Variants in FREM3 observed in about 807,000 individuals in gnomAD.
The protein encoded by FREM3 is FRAS1-related extracellular matrix protein 3.
Under a neutral mutation model 129.1 loss-of-function variants are expected in FREM3, and 105 were observed. The ratio of observed to expected loss-of-function variants is 0.81; its 90% CI spans 0.69 to 0.96. The LOEUF (loss-of-function observed/expected upper bound fraction) is 0.96, where lower values mean the gene tolerates loss of function less well. Ranked by LOEUF, FREM3 falls within the 40% of genes least tolerant of loss-of-function variation. The pLI is 0.00. For synonymous variants in FREM3, 1,014 were observed against 1,044.9 expected (o/e 0.97, Z 0.57); for missense variants, 2,593 against 2,666.3 (o/e 0.97, Z 0.61).
At chr4:143,591,837 G>A (rs1479957031) in intron 6 of FREM3, among the ~76,000 whole-genome samples, 5 of 152,216 alleles carry the variant, frequency 3.3e-5, no homozygotes, top group East Asian at 3.9e-4. Context: ...GTTGACAGTC[G>A]GGTGTTAAAG....
rs773673129 is a variant in FREM3, at chr4:143,697,722, G to A, written c.2954C>T (p.Ser985Phe). The A allele has an allele frequency of 3.3e-6, 5 of 1,537,672 alleles. No individual in the cohort carries two copies. The highest frequency in any genetic ancestry group is 4.4e-6 in the Non-Finnish European group (5 of 1,147,006). ...KRKDVGDLMLSFIVKDSPKLG... is the reference protein window; with the variant it reads ...KRKDVGDLMLFFIVKDSPKLG... ...TTTGGGGCTGTCCTTTACAATGAAA[G>A]ACAGCATCAAGTCACCTACATCCTT... The change falls in exon 1 of 8, where the codon TCT (serine) becomes TTT (phenylalanine). Residue 985 changes from serine (S) to phenylalanine (F), a missense_variant. This residue lies in a region of FREM3 where 2,276 missense variants were observed against 2,267.2 expected (regional missense o/e 1.00). Coordinates refer to ENST00000329798, the MANE Select transcript of FREM3 (RefSeq NM_001168235.2).
At chr4:143,687,111 C>A (rs1315075418) in intron 2 of FREM3, among the ~76,000 whole-genome samples, 2 of 151,796 alleles carry the variant, frequency 1.3e-5, no homozygotes, top group Non-Finnish European at 2.9e-5. Flanking sequence ...CAAGACTAAT[C>A]AAGAAAAGTA....
At chr4:143,686,005 A>T (rs1354447009) in intron 2 of FREM3, among the ~76,000 whole-genome samples, 1 of 151,404 alleles carries the variant, frequency 6.6e-6, no homozygotes, top group East Asian at 1.9e-4. Flanking sequence ...AACTTAAATT[A>T]TATATATATA....
rs145537000 is a variant in FREM3 at position 143,579,703 on chromosome 4, G to A, written c.6179-1851C>T. 2.1e-3 allele frequency among the ~76,000 whole-genome samples: 326 copies of A among 152,290 alleles called. 1 individual carries two copies. The highest frequency in any genetic ancestry group is 7.4e-3 in the African/African-American group (307 of 41,546). On this transcript the variant is annotated intron_variant, in intron 7 of 7. Transcript: ENST00000329798. ...ATGCTAACACAGTATCTGGCAAATA[G>A]TAGGCATTAAGAACACAGAAGTTAT...
intron 2 of FREM3, among the ~76,000 whole-genome samples, chr4:143,630,084 G>A (rs1739111322): frequency 6.6e-6 from 1 of 152,042 alleles, no homozygotes; most frequent in African/African-American, 2.4e-5. Flanking sequence ...CCAGGTTCTG[G>A]GCCTGCCACT....
chr4:143,630,055 A>T (rs1739110635), intron 2 of FREM3, among the ~76,000 whole-genome samples: 1 of 151,962 alleles, frequency 6.6e-6, no homozygotes, highest in African/African-American at 2.4e-5. Context: ...AAGAGCATAG[A>T]CTCCTGAGTC....
chr4:143,673,405 C>T (rs945526299), intron 2 of FREM3, among the ~76,000 whole-genome samples: 2 of 152,150 alleles, frequency 1.3e-5, no homozygotes, highest in Non-Finnish European at 2.9e-5. Context: ...TGCAGAGCAG[C>T]GAATATTGGT....
chr4:143,700,373 G>T lies in FREM3; in HGVS notation c.303C>A (p.Asp101Glu), dbSNP rs781661729. 181 of 1,535,054 alleles carry T rather than the reference G, an allele frequency of 1.2e-4. No individual in the cohort carries two copies. The highest frequency in any genetic ancestry group is 1.4e-4 in the Non-Finnish European group (165 of 1,146,258). The change falls in exon 1 of 8, where the codon GAC becomes GAA. Residue 101 changes from aspartate to glutamate, a missense_variant. Around this residue, in one of 2 missense-constraint regions of FREM3, gnomAD observed 2,276 missense variants for 2,267.2 expected, o/e 1.00. Transcript: ENST00000329798. The stretch of plus-strand genomic sequence containing the variant: ...GCGCGCCCTTGAGCCGCGGCAGGGC[G>T]TCCAGTACCGTGACTTCGCACCGGT... ...PGDRCEVTVL[D>E]ALPRLKGALS...
chr4:143,632,393 A>G (rs189300600), intron 2 of FREM3, among the ~76,000 whole-genome samples: 2 of 152,262 alleles, frequency 1.3e-5, no homozygotes, highest in East Asian at 3.9e-4. Flanking sequence ...GTGATATTTG[A>G]TAAGAGATTG....
chr4:143,655,140 A>G (rs1739578214), intron 2 of FREM3, among the ~76,000 whole-genome samples: 1 of 152,156 alleles, frequency 6.6e-6, no homozygotes, highest in Non-Finnish European at 1.5e-5. Flanking sequence ...AATCCCTTCC[A>G]GATATCTTCA....
In FREM3 at chr4:143,578,212, A is replaced by G. The variant is rs553416537; in HGVS notation, c.6179-360T>C. 2.6e-5 allele frequency among the ~76,000 whole-genome samples: 4 copies of G among 152,338 alleles called. No homozygotes were observed. The South Asian group carries it at 8.3e-4, about 32-fold the overall frequency. On this transcript the variant is annotated intron_variant, in intron 7 of 7. Coordinates refer to ENST00000329798, the MANE Select transcript of FREM3 (RefSeq NM_001168235.2). ...TTTAATTTTTTAACCTTGAAGATAA[A>G]TGTAATACATTTTATTTTGATTAGG...
Position 143,627,651 on chromosome 4 carries a change from A to C in FREM3, c.5385T>G (p.Leu1795=). 1 of 1,536,044 alleles carries C rather than the reference A, an allele frequency of 6.5e-7. No individual in the cohort carries two copies. Among genetic ancestry groups the C allele is most frequent in the Non-Finnish European group, 8.7e-7 (1 of 1,145,896 alleles). Residue 1795 remains leucine (L), a synonymous_variant, in exon 3 of 8, where the codon CTT becomes CTG. Coordinates refer to ENST00000329798, the MANE Select transcript of FREM3 (RefSeq NM_001168235.2). ...DEDSTFLEVT[L]TRRGYLGETS... ...TTTCTCCAAGGTATCCTCTGCGTGT[A>C]AGGGTCACTTCTAAGAATGTGGAAT...
In FREM3 at chr4:143,700,445, A is replaced by C; in HGVS notation, c.231T>G (p.Leu77=). ...CCAGATCCCGGAGCGGGTCGAGCCA[A>C]AGGGAACGACCCAGGGGCACCCGGA... ...PGLRVPLGRS[L]WLDPLRDLVI... Residue 77 remains leucine, a synonymous_variant, in exon 1 of 8, where the codon CTT becomes CTG. Coordinates refer to ENST00000329798, the MANE Select transcript of FREM3 (RefSeq NM_001168235.2). 1 of 1,526,054 alleles carries C rather than the reference A, an allele frequency of 6.6e-7. No individual in the cohort carries two copies. The highest frequency in any genetic ancestry group is 8.8e-7 in the Non-Finnish European group (1 of 1,140,908). 94.5% of individuals were successfully genotyped at this position (1,526,054 alleles called of 1,614,324 possible).
intron 2 of FREM3, among the ~76,000 whole-genome samples, chr4:143,660,965 C>T (rs899476835): frequency 2.0e-5 from 3 of 152,156 alleles, no homozygotes; most frequent in African/African-American, 7.2e-5. Flanking sequence ...AGTTGCTTAT[C>T]AGCTTAAGGA....
rs1738217064 is a variant in FREM3 at position 143,585,183 on chromosome 4, TATAAA to T, written c.6178+656_6178+660del. 6.6e-6 allele frequency among the ~76,000 whole-genome samples: 1 copy of T among 152,234 alleles called. No individual in the cohort carries two copies. Among genetic ancestry groups the T allele is most frequent in the Non-Finnish European group, 1.5e-5 (1 of 68,040 alleles). On this transcript the variant is annotated intron_variant, in intron 7 of 7. Transcript: ENST00000329798. The surrounding 1 kb of genome is among the most constrained non-coding windows in gnomAD (Gnocchi z 4.2). ...TGCTCACATCAAAAAGTTAGAAAGATATAAAATTAACAACCTAACACCACACCAAA... is the reference window on the plus strand; with the variant it reads ...TGCTCACATCAAAAAGTTAGAAAGATATTAACAACCTAACACCACACCAAA...
At chr4:143,631,619 T>G (rs1739142740) in intron 2 of FREM3, among the ~76,000 whole-genome samples, 1 of 152,164 alleles carries the variant, frequency 6.6e-6, no homozygotes, top group Non-Finnish European at 1.5e-5. Flanking sequence ...ATGAAACTGT[T>G]AAATTACAAC....
chr4:143,686,096 G>A (rs1740359112), intron 2 of FREM3, among the ~76,000 whole-genome samples: 1 of 152,066 alleles, frequency 6.6e-6, no homozygotes, highest in Non-Finnish European at 1.5e-5. Flanking sequence ...AGCACATAAA[G>A]ACTCACATAA....
At chr4:143,644,777 A>G (rs1330888054) in intron 2 of FREM3, among the ~76,000 whole-genome samples, 1 of 152,230 alleles carries the variant, frequency 6.6e-6, no homozygotes, top group Admixed American at 6.5e-5. Flanking sequence ...AAGCTATACA[A>G]CAAAAATATG....
At chr4:143,660,798 A>C (rs1414411512) in intron 2 of FREM3, among the ~76,000 whole-genome samples, 4 of 152,016 alleles carry the variant, frequency 2.6e-5, no homozygotes, top group Non-Finnish European at 5.9e-5. Flanking sequence ...GAGGTCCTTC[A>C]CGTCCCTTGT....
Sources: gnomAD v4.1 joint callset for allele counts (sites outside exome capture counted in the v4.1 genomes callset) on GRCh38, gnomAD v4.1.1 for gene constraint, gnomAD v4.1.1 regional missense constraint, Gnocchi (gnomAD v3.1) non-coding constraint, MANE v1.5 for transcripts, NCBI Gene and HGNC (gene_info 2026-07-23, HGNC 2026-07-21) for gene names.